The following CSGALNACT1 variants were observed in gnomAD, a reference collection of about 807,000 sequenced individuals.
CSGALNACT1 encodes beta4GalNAcT-1.
CSGALNACT1 carries 52 observed loss-of-function variants against 51.0 expected under a neutral mutation model. That is an observed-to-expected ratio of 1.02 (90% confidence interval 0.82 to 1.29). The LOEUF is 1.29. Among genes scored for constraint, CSGALNACT1 ranks in the 50% most tolerant of loss-of-function variants. The pLI is 0.00. For synonymous variants in CSGALNACT1, 341 were observed against 254.4 expected (o/e 1.34, Z -3.24); for missense variants, 935 against 679.2 (o/e 1.38, Z -4.19).
Position 19,597,575 on chromosome 8 carries a change from G to A in CSGALNACT1, c.-416+4196C>T, listed in dbSNP as rs1420975151. 2.6e-5 allele frequency among the ~76,000 whole-genome samples: 4 copies of A among 152,062 alleles called. No individual in the cohort carries two copies. The East Asian group carries it at 5.8e-4, about 22-fold the overall frequency. On this transcript the variant is annotated intron_variant, in intron 2 of 9. Coordinates refer to ENST00000454498, the Ensembl canonical transcript of CSGALNACT1. ...CCCACCTCACCTCCCAGAGTGTTCC[G>A]ATTACAGGTGTGAGCCACAGCACTC...
intron 1 of CSGALNACT1, among the ~76,000 whole-genome samples, chr8:19,662,810 C>T (rs767468502): frequency 2.0e-5 from 3 of 152,168 alleles, no homozygotes; most frequent in Non-Finnish European, 4.4e-5. Context: ...AGACAGCACA[C>T]CCATCAGCTG....
At chr8:19,714,234 C>T (rs12542490) in intron 1 of CSGALNACT1, among the ~76,000 whole-genome samples, 60,304 of 152,040 alleles carry the variant, frequency 0.4, 12,474 homozygotes, top group East Asian at 0.66. Context: ...AATTTTTCTC[C>T]TTGAAAAGCA....
chr8:19,516,847 G>A (rs936366585), intron 3 of CSGALNACT1, among the ~76,000 whole-genome samples: 20 of 152,320 alleles, frequency 1.3e-4, no homozygotes, highest in African/African-American at 4.1e-4. Context: ...TCTGGGGATC[G>A]AGGTGAACAC....
intron 4 of CSGALNACT1, among the ~76,000 whole-genome samples, chr8:19,479,036 G>A (rs2070612619): frequency 6.6e-6 from 1 of 152,190 alleles, no homozygotes; most frequent in South Asian, 2.1e-4. Flanking sequence ...GACACAGAAT[G>A]CAAAGTTAAA....
At chr8:19,452,985 G>C (rs1198661997) in intron 5 of CSGALNACT1, among the ~76,000 whole-genome samples, 1 of 152,172 alleles carries the variant, frequency 6.6e-6, no homozygotes, top group Admixed American at 6.5e-5. Flanking sequence ...TCAAGATGAG[G>C]AGAGAGCCAA....
intron 1 of CSGALNACT1, among the ~76,000 whole-genome samples, chr8:19,662,269 G>A (rs545427167): frequency 2.6e-5 from 4 of 151,990 alleles, no homozygotes; most frequent in African/African-American, 9.6e-5. Context: ...TGTAATCTCA[G>A]CTACTCAGGA....
intron 4 of CSGALNACT1, among the ~76,000 whole-genome samples, chr8:19,473,110 G>C (rs2068588978): frequency 6.6e-6 from 1 of 152,094 alleles, no homozygotes. Flanking sequence ...AAAGCAGAAT[G>C]CAATTGCTAG....
exon 10 of CSGALNACT1, chr8:19,405,989 C>G: frequency 6.2e-7 from 1 of 1,614,222 alleles, no homozygotes; most frequent in Non-Finnish European, 8.5e-7. Context: ...GTCCGTACCA[C>G]TATGAGGTTG....
chr8:19,605,593 C>A (rs1005726860), upstream of CSGALNACT1, among the ~76,000 whole-genome samples: 1 of 152,080 alleles, frequency 6.6e-6, no homozygotes, highest in African/African-American at 2.4e-5. Flanking sequence ...TGTGTCATCA[C>A]CAGTGTCAGT....
At chr8:19,461,941 G>A (rs139128524) in intron 4 of CSGALNACT1, among the ~76,000 whole-genome samples, 6 of 151,410 alleles carry the variant, frequency 4.0e-5, no homozygotes, top group Non-Finnish European at 5.9e-5. Context: ...CACAGAGGGC[G>A]CATCTGCACA....
chr8:19,560,505 C>T (rs1279712937), intron 3 of CSGALNACT1, among the ~76,000 whole-genome samples: 1 of 152,102 alleles, frequency 6.6e-6, no homozygotes, highest in East Asian at 1.9e-4. Flanking sequence ...CAGAAGACTT[C>T]GATCCTGAAA....
intron 3 of CSGALNACT1, among the ~76,000 whole-genome samples, chr8:19,509,473 G>A (rs182464240): frequency 7.9e-5 from 12 of 152,028 alleles, no homozygotes; most frequent in Admixed American, 3.3e-4. Context: ...ACAAAAATTA[G>A]TCAGGTATCG....
At chr8:19,742,079 C>A (rs563122788) in intron 1 of CSGALNACT1, among the ~76,000 whole-genome samples, 1 of 152,328 alleles carries the variant, frequency 6.6e-6, no homozygotes, top group Non-Finnish European at 1.5e-5. Flanking sequence ...CCTAAAGCAA[C>A]TGGCATACAC....
At chr8:19,615,134 T>A (rs2052815209) in intron 1 of CSGALNACT1, among the ~76,000 whole-genome samples, 1 of 152,244 alleles carries the variant, frequency 6.6e-6, no homozygotes, top group South Asian at 2.1e-4. Context: ...TGAAACCCCA[T>A]CCCTCCTAAA....
chr8:19,621,395 A>T (rs1345005062), intron 1 of CSGALNACT1, among the ~76,000 whole-genome samples: 1 of 152,172 alleles, frequency 6.6e-6, no homozygotes, highest in Non-Finnish European at 1.5e-5. Flanking sequence ...ATTTTTATAC[A>T]ATTATTGTAT....
intron 1 of CSGALNACT1, among the ~76,000 whole-genome samples, chr8:19,756,412 G>C (rs895251678): frequency 6.6e-6 from 1 of 152,162 alleles, no homozygotes; most frequent in African/African-American, 2.4e-5. Flanking sequence ...TGTTTTGGCA[G>C]GCACAGTGCT....
chr8:19,468,543 G>T (rs181849181), intron 4 of CSGALNACT1, among the ~76,000 whole-genome samples: 2 of 152,190 alleles, frequency 1.3e-5, no homozygotes, highest in Middle Eastern at 3.4e-3. Context: ...GTGGATGATG[G>T]CAGGGAACGA....
intron 3 of CSGALNACT1, among the ~76,000 whole-genome samples, chr8:19,508,536 C>CAG (rs1464273707): frequency 6.6e-6 from 1 of 152,178 alleles, no homozygotes; most frequent in African/African-American, 2.4e-5. Context: ...GAAAACAGCT[C>CAG]AGCTTTGGTG....
At chr8:19,643,178 C>T (rs1168541536) in intron 1 of CSGALNACT1, among the ~76,000 whole-genome samples, 2 of 151,884 alleles carry the variant, frequency 1.3e-5, no homozygotes, top group Non-Finnish European at 2.9e-5. Context: ...AATTAAAATA[C>T]TGAATAAAAA....
Sources: allele counts gnomAD v4.1 joint callset (sites outside exome capture counted in the v4.1 genomes callset), GRCh38; gene constraint gnomAD v4.1.1; transcripts MANE v1.5; gene names NCBI Gene and HGNC (gene_info 2026-07-23, HGNC 2026-07-21).